RBFOX1: variants seen among roughly 807,000 people sequenced by gnomAD.
The protein encoded by RBFOX1 is RNA binding protein fox-1 homolog 1.
A neutral mutation model predicts 57.7 loss-of-function variants in RBFOX1; 8 were observed. The ratio of observed to expected loss-of-function variants is 0.14; its 90% CI spans 0.08 to 0.25. The LOEUF (loss-of-function observed/expected upper bound fraction) is 0.25, where lower values mean the gene tolerates loss of function less well. RBFOX1 is among the 10% of genes least tolerant of loss of function. The pLI is 1.00. For synonymous variants in RBFOX1, 326 were observed against 222.4 expected (o/e 1.47, Z -4.15); for missense variants, 611 against 548.5 (o/e 1.11, Z -1.14).
intron 4 of RBFOX1, among the ~76,000 whole-genome samples, chr16:5,997,805 G>A (rs964182565): frequency 6.6e-6 from 1 of 152,124 alleles, no homozygotes; most frequent in South Asian, 2.1e-4. Context: ...GAACCTGTTT[G>A]CTTGGTTCTC....
At chr16:7,056,787 T>G (rs2052439361) in intron 4 of RBFOX1, among the ~76,000 whole-genome samples, 1 of 152,148 alleles carries the variant, frequency 6.6e-6, no homozygotes, top group South Asian at 2.1e-4. Flanking sequence ...GGTAGCCAAA[T>G]GCATGACTGC....
At chr16:5,934,985 T>G (rs1453570112) in intron 4 of RBFOX1, among the ~76,000 whole-genome samples, 1 of 152,160 alleles carries the variant, frequency 6.6e-6, no homozygotes, top group African/African-American at 2.4e-5. Context: ...CCCAGAGAGA[T>G]CAGTCCTGCA....
rs778547505 is a variant in RBFOX1, at chr16:7,518,396, G to T, written c.270+7G>T. 15 of 1,603,890 alleles carry T rather than the reference G, an allele frequency of 9.4e-6. No individual in the cohort carries two copies. In the South Asian group the frequency reaches 1.2e-4, roughly 13 times the overall value. On this transcript the variant is annotated splice_region_variant and intron_variant, in intron 5 of 15. Transcript: ENST00000550418. Reference sequence around the variant, plus strand: ...CGTCTCTGGCACCGCCACAGTAAGTGGACGTGTTTGCTACGGGTGGGAGGT... The same window carrying T: ...CGTCTCTGGCACCGCCACAGTAAGTTGACGTGTTTGCTACGGGTGGGAGGT...
rs547772959 is a variant in RBFOX1 at position 6,520,377 on chromosome 16, G to A, written c.-63-134226G>A. On this transcript the variant is annotated intron_variant, in intron 2 of 15. Transcript: ENST00000550418. ...TCTACCTTTCTTAGAGGGTCCTAAT[G>A]AGGTTGTGTTTTAAGAAATGTTACA... is the stretch of plus-strand genomic sequence containing the variant. Among the ~76,000 whole-genome samples the A allele has an allele frequency of 5.9e-5, 9 of 152,230 alleles. No individual in the cohort carries two copies. In the East Asian group the frequency reaches 1.7e-3, roughly 29 times the overall value.
At chr16:6,088,536 C>T (rs2096122926) in intron 1 of RBFOX1, among the ~76,000 whole-genome samples, 3 of 151,638 alleles carry the variant, frequency 2.0e-5, no homozygotes, top group Non-Finnish European at 4.4e-5. Context: ...TTTTCTCCTT[C>T]CTTCCTTCCT....
At chr16:6,924,992 C>G (rs1176513207) in intron 3 of RBFOX1, among the ~76,000 whole-genome samples, 23 of 151,654 alleles carry the variant, frequency 1.5e-4, no homozygotes, top group Admixed American at 6.6e-4. Flanking sequence ...CCAGTTTCAT[C>G]CATGTCCGTA....
intron 4 of RBFOX1, among the ~76,000 whole-genome samples, chr16:7,179,123 G>A (rs538925829): frequency 4.6e-5 from 7 of 152,136 alleles, no homozygotes; most frequent in East Asian, 1.9e-4. Flanking sequence ...CAGATTACTC[G>A]AGGCATCCGG....
At chr16:6,901,388 C>A (rs1304849174) in intron 3 of RBFOX1, among the ~76,000 whole-genome samples, 5 of 152,082 alleles carry the variant, frequency 3.3e-5, no homozygotes, top group Middle Eastern at 3.2e-3. Context: ...TCAAAGTGAA[C>A]AGGACGTTCC....
chr16:6,937,122 C>T (rs1420182159), intron 3 of RBFOX1, among the ~76,000 whole-genome samples: 1 of 152,104 alleles, frequency 6.6e-6, no homozygotes, highest in Non-Finnish European at 1.5e-5. Flanking sequence ...AAAGATCCAT[C>T]AGCCAGTAAT....
chr16:7,580,488 TG>T (rs2093672924), intron 6 of RBFOX1, among the ~76,000 whole-genome samples: 1 of 152,124 alleles, frequency 6.6e-6, no homozygotes, highest in South Asian at 2.1e-4. Context: ...AAGTCCATGT[TG>T]ATTCCTGAAG....
chr16:7,461,729 G>A, intron 4 of RBFOX1, among the ~76,000 whole-genome samples: 1 of 152,296 alleles, frequency 6.6e-6, no homozygotes, highest in Admixed American at 6.5e-5. Context: ...GCAGGAGAAA[G>A]CTGGGGCTCA....
chr16:6,019,027 T>G lies in RBFOX1; in HGVS notation c.-1092T>G. On this transcript the variant is annotated 5_prime_UTR_variant, in exon 1 of 16. Transcript: ENST00000550418. The surrounding 1 kb of genome is among the most constrained non-coding windows in gnomAD (Gnocchi z 4.2). ...AGGGGGCGCTCCCTCGCGCACCAGA[T>G]TATTTTTGGCTCCGCAGCCGGGGCT... 2.2e-6 allele frequency: 2 copies of G among 900,546 alleles called. No homozygotes were observed. The highest frequency in any genetic ancestry group is 2.7e-6 in the Non-Finnish European group (2 of 753,876). The allele number at this position is 900,546 out of a possible 1,614,324, so 55.8% of individuals were successfully genotyped here.
At chr16:6,549,788 T>G (rs532134313) in intron 2 of RBFOX1, among the ~76,000 whole-genome samples, 1 of 151,954 alleles carries the variant, frequency 6.6e-6, no homozygotes, top group Non-Finnish European at 1.5e-5. Context: ...AGATGTAGAA[T>G]GGGGCAAGGG....
At chr16:6,462,175 C>G (rs1036134403) in intron 2 of RBFOX1, among the ~76,000 whole-genome samples, 1 of 152,126 alleles carries the variant, frequency 6.6e-6, no homozygotes, top group African/African-American at 2.4e-5. Context: ...TAACCCAACA[C>G]AGAACTCTTT....
At chr16:6,082,848 A>G (rs150389422) in intron 1 of RBFOX1, among the ~76,000 whole-genome samples, 101 of 152,222 alleles carry the variant, frequency 6.6e-4, no homozygotes, top group African/African-American at 2.2e-3. Context: ...CTTGGACCCA[A>G]TAGCCCAGAT....
At chr16:7,556,835 T>G (rs1447814967) in intron 5 of RBFOX1, among the ~76,000 whole-genome samples, 1 of 152,240 alleles carries the variant, frequency 6.6e-6, no homozygotes, top group Non-Finnish European at 1.5e-5. Flanking sequence ...AAATAATTCT[T>G]TGTTGAATCA....
chr16:6,286,070 T>C, intron 1 of RBFOX1, among the ~76,000 whole-genome samples: 1 of 152,182 alleles, frequency 6.6e-6, no homozygotes, highest in East Asian at 1.9e-4. Context: ...GCACTGATAA[T>C]AAATGTTCAC....
chr16:7,463,799 CA>C, intron 4 of RBFOX1, among the ~76,000 whole-genome samples: 1 of 152,290 alleles, frequency 6.6e-6, no homozygotes, highest in South Asian at 2.1e-4. Context: ...ATAACGACAA[CA>C]GCTGCTATTT....
At chr16:6,717,133 C>T (rs1349446981) in intron 3 of RBFOX1, among the ~76,000 whole-genome samples, 4 of 151,978 alleles carry the variant, frequency 2.6e-5, no homozygotes, top group African/African-American at 4.8e-5. Context: ...ACTCTAGAAC[C>T]GTGAGAAATA....
Sources: allele counts gnomAD v4.1 joint callset (sites outside exome capture counted in the v4.1 genomes callset), GRCh38; gene constraint gnomAD v4.1.1; non-coding constraint Gnocchi (gnomAD v3.1); transcripts MANE v1.5; gene names NCBI Gene and HGNC (gene_info 2026-07-23, HGNC 2026-07-21).